Variants in DPY19L1 observed in about 807,000 individuals in gnomAD.
DPY19L1 encodes protein C-mannosyl-transferase DPY19L1.
A neutral mutation model predicts 96.9 loss-of-function variants in DPY19L1; 35 were observed. That is an observed-to-expected ratio of 0.36 (90% CI 0.28 to 0.48). The LOEUF is 0.48. Ranked by LOEUF, DPY19L1 falls within the 20% of genes least tolerant of loss-of-function variation. The pLI, the probability that DPY19L1 is intolerant of heterozygous loss-of-function variation, is 0.99. For synonymous variants in DPY19L1, 205 were observed against 252.6 expected, an observed-to-expected ratio of 0.81 and a Z score of 1.79; for missense variants, 521 against 777.9, an observed-to-expected ratio of 0.67 and a Z score of 3.93.
At chr7:35,033,476 A>C (rs569064429) in intron 1 of DPY19L1, among the ~76,000 whole-genome samples, 18 of 152,292 alleles carry the variant, frequency 1.2e-4, no homozygotes, top group Middle Eastern at 6.8e-3. Flanking sequence ...ATATGGTATG[A>C]CTGACTATGA....
At chr7:35,011,487 T>C (rs1785711371) in intron 4 of DPY19L1, 37 bp from the exon 5 acceptor site, 6 of 1,546,936 alleles carry the variant, frequency 3.9e-6, no homozygotes, top group Non-Finnish European at 5.3e-6. Context: ...TAAGAAAATA[T>C]ACTAAACAAT....
rs1783752303 is a variant in DPY19L1 at position 34,931,549 on chromosome 7, C to T, written c.*24G>A. ...TAAAACCATTACAGATGTAGTTCTC[C>T]GTAGGCAGCAGGTCATGTAGCAGTC... On this transcript the variant is annotated 3_prime_UTR_variant, in exon 22 of 22. Coordinates refer to ENST00000638088, the MANE Select transcript of DPY19L1 (RefSeq NM_001366673.1). 10 of 1,508,588 alleles carry T rather than the reference C, an allele frequency of 6.6e-6. 1 individual carries two copies. The highest frequency in any genetic ancestry group is 4.2e-5 in the South Asian group (3 of 71,908). 93.5% of individuals were successfully genotyped at this position (1,508,588 alleles called of 1,614,324 possible). A position where few individuals can be genotyped will look rare whatever the true frequency, so the allele number is the denominator to read the frequency against.
intron 7 of DPY19L1, among the ~76,000 whole-genome samples, chr7:34,975,692 G>A (rs1187947122): frequency 1.3e-5 from 2 of 152,122 alleles, no homozygotes; most frequent in African/African-American, 2.4e-5. Flanking sequence ...AAACATCAAA[G>A]GACAGGCTGA....
At chr7:34,971,797 C>T (rs1051305912) in intron 8 of DPY19L1, among the ~76,000 whole-genome samples, 1 of 152,150 alleles carries the variant, frequency 6.6e-6, no homozygotes, top group Non-Finnish European at 1.5e-5. Flanking sequence ...CAGGAAACAG[C>T]AACTGAAGAG....
chr7:34,944,170 C>G (rs1159292303), intron 16 of DPY19L1, among the ~76,000 whole-genome samples: 1 of 151,874 alleles, frequency 6.6e-6, no homozygotes, highest in African/African-American at 2.4e-5. Flanking sequence ...CAAGACCAGC[C>G]TGGCCAATAT....
At position 34,962,344 on chromosome 7, in the gene DPY19L1, C is replaced by T. The variant is rs13309562; in HGVS notation, c.1093-4274G>A. On this transcript the variant is annotated intron_variant, in intron 10 of 21. Transcript: ENST00000638088. ...TTTTACTAAGTGAAAGAAGCCAATA[C>T]GAAAAGGCTACATACTGTATGGTTC... 5.3e-5 allele frequency among the ~76,000 whole-genome samples: 8 copies of T among 152,142 alleles called. No individual in the cohort carries two copies. The East Asian group carries it at 9.7e-4, about 18-fold the overall frequency.
intron 6 of DPY19L1, among the ~76,000 whole-genome samples, chr7:34,990,883 G>C (rs1412775593): frequency 6.6e-6 from 1 of 152,132 alleles, no homozygotes; most frequent in African/African-American, 2.4e-5. Flanking sequence ...AGAGAGGTCA[G>C]AGAGGAAACA....
intron 7 of DPY19L1, among the ~76,000 whole-genome samples, chr7:34,982,393 C>T (rs1392793851): frequency 2.0e-5 from 3 of 152,110 alleles, no homozygotes; most frequent in African/African-American, 7.2e-5. Flanking sequence ...ATGTCTGTGT[C>T]AGTGTTTGTA....
intron 6 of DPY19L1, among the ~76,000 whole-genome samples, chr7:34,996,037 G>A (rs1414589808): frequency 6.6e-6 from 1 of 152,170 alleles, no homozygotes; most frequent in African/African-American, 2.4e-5. Context: ...TTTCCAGTCT[G>A]TTTCAAGCAA....
chr7:35,025,773 A>T (rs1269484085), intron 1 of DPY19L1, among the ~76,000 whole-genome samples: 1 of 152,212 alleles, frequency 6.6e-6, no homozygotes, highest in Non-Finnish European at 1.5e-5. Context: ...GTAGGCCTGG[A>T]AGTGCCAAGA....
At chr7:34,945,079 G>C (rs1436684587) in intron 16 of DPY19L1, among the ~76,000 whole-genome samples, 2 of 152,024 alleles carry the variant, frequency 1.3e-5, no homozygotes, top group African/African-American at 4.8e-5. Context: ...AAAAATGATC[G>C]CTCCCTTCAG....
At chr7:34,983,029 A>T (rs1006396949) in intron 7 of DPY19L1, among the ~76,000 whole-genome samples, 4 of 152,226 alleles carry the variant, frequency 2.6e-5, no homozygotes, top group Admixed American at 1.3e-4. Flanking sequence ...AGAAAAAAGA[A>T]ATCACTGTAA....
chr7:35,009,264 G>A lies in DPY19L1; in HGVS notation c.764+1204C>T, dbSNP rs542763180. On this transcript the variant is annotated intron_variant, in intron 6 of 21. Transcript: ENST00000638088. Reference sequence around the variant, plus strand: ...ACTTCCAAAGGAAAGGAGATAATGCGATAATAGCAAATTCAAACTCATTAT... The same window carrying A: ...ACTTCCAAAGGAAAGGAGATAATGCAATAATAGCAAATTCAAACTCATTAT... Among the ~76,000 whole-genome samples, 304 of 152,252 alleles carry A rather than the reference G, an allele frequency of 2.0e-3. 1 individual carries two copies. The highest frequency in any genetic ancestry group is 0.017 in the South Asian group (80 of 4,826).
intron 6 of DPY19L1, among the ~76,000 whole-genome samples, chr7:34,997,508 G>T: frequency 6.7e-6 from 1 of 150,162 alleles, no homozygotes; most frequent in Admixed American, 6.6e-5. Flanking sequence ...TACTCGGGAG[G>T]CTGAGGCAGG....
At chr7:35,023,247 T>C (rs1330813196) in intron 1 of DPY19L1, among the ~76,000 whole-genome samples, 1 of 152,206 alleles carries the variant, frequency 6.6e-6, no homozygotes, top group African/African-American at 2.4e-5. Flanking sequence ...GGGCCCTTCC[T>C]AGACGCCGTC....
At chr7:35,022,088 G>A (rs879475562) in intron 1 of DPY19L1, among the ~76,000 whole-genome samples, 7 of 140,222 alleles carry the variant, frequency 5.0e-5, no homozygotes, top group Admixed American at 4.2e-4. Context: ...TAGCCTTCTT[G>A]CCTACAAAAA....
At chr7:35,000,093 A>G (rs1277594960) in intron 6 of DPY19L1, among the ~76,000 whole-genome samples, 1 of 152,218 alleles carries the variant, frequency 6.6e-6, no homozygotes, top group Non-Finnish European at 1.5e-5. Context: ...AAACATACTA[A>G]TAACTAACAT....
chr7:35,021,122 TA>T (rs984645330), intron 1 of DPY19L1, among the ~76,000 whole-genome samples: 9 of 152,338 alleles, frequency 5.9e-5, no homozygotes, highest in African/African-American at 2.2e-4. Flanking sequence ...AGAATATTAC[TA>T]AACAATTCTG....
intron 3 of DPY19L1, among the ~76,000 whole-genome samples, chr7:35,017,114 C>A (rs1225668823): frequency 6.6e-6 from 1 of 151,436 alleles, no homozygotes; most frequent in African/African-American, 2.4e-5. Context: ...TGGTTTTGTG[C>A]CATAGTTAAA....
Sources: allele counts gnomAD v4.1 joint callset (sites outside exome capture counted in the v4.1 genomes callset), GRCh38; gene constraint gnomAD v4.1.1; transcripts MANE v1.5; gene names NCBI Gene and HGNC (gene_info 2026-07-23, HGNC 2026-07-21).